PDE10A: variants seen among roughly 807,000 people sequenced by gnomAD.
PDE10A encodes the protein phosphodiesterase 10A, also known as cAMP and cAMP-inhibited cGMP 3',5'-cyclic phosphodiesterase 10A.
Under a neutral mutation model 97.7 loss-of-function variants are expected in PDE10A, and 39 were observed. That is an observed-to-expected ratio of 0.40 (90% CI 0.31 to 0.52). The LOEUF (loss-of-function observed/expected upper bound fraction) is 0.52. Ranked by LOEUF, PDE10A falls within the 20% of genes least tolerant of loss-of-function variation. The probability of loss-of-function intolerance (pLI) is 0.56; values close to 1 mark genes in which losing one functional copy is unlikely to be tolerated. For synonymous variants in PDE10A, 371 were observed against 376.8 expected (o/e 0.98, Z 0.18); for missense variants, 731 against 1,047.8 (o/e 0.70, Z 4.17).
At chr6:165,525,088 A>C (rs1410930848) in intron 2 of PDE10A, among the ~76,000 whole-genome samples, 2 of 152,026 alleles carry the variant, frequency 1.3e-5, no homozygotes, top group Non-Finnish European at 2.9e-5. Context: ...GCCACCCCCA[A>C]TACTCCTTTG....
intron 12 of PDE10A, among the ~76,000 whole-genome samples, chr6:165,415,461 T>C (rs1265961059): frequency 2.0e-5 from 3 of 152,214 alleles, no homozygotes; most frequent in African/African-American, 4.8e-5. Flanking sequence ...CCTGAGACTT[T>C]CCATTTCTAG....
At chr6:165,826,693 C>T (rs1175562360) in intron 1 of PDE10A, among the ~76,000 whole-genome samples, 2 of 151,118 alleles carry the variant, frequency 1.3e-5, no homozygotes, top group African/African-American at 2.4e-5. Context: ...ACCAGAGGCA[C>T]GGTGGGAGCG....
chr6:165,861,171 C>G (rs1190309847), intron 1 of PDE10A, among the ~76,000 whole-genome samples: 1 of 152,224 alleles, frequency 6.6e-6, no homozygotes, highest in Non-Finnish European at 1.5e-5. Context: ...TCAAGAGTTC[C>G]TTTAACCTAA....
intron 1 of PDE10A, among the ~76,000 whole-genome samples, chr6:165,965,111 T>C (rs1379150222): frequency 1.3e-5 from 2 of 152,138 alleles, no homozygotes; most frequent in Non-Finnish European, 2.9e-5. Flanking sequence ...AGAAGCAATA[T>C]AGAGATTGTA....
At chr6:165,892,854 G>A (rs1266003215) in intron 1 of PDE10A, among the ~76,000 whole-genome samples, 1 of 152,224 alleles carries the variant, frequency 6.6e-6, no homozygotes, top group Non-Finnish European at 1.5e-5. Context: ...GGCTGACCAT[G>A]AACTTGAGAG....
At chr6:165,945,003 C>T (rs1424909289) in intron 1 of PDE10A, among the ~76,000 whole-genome samples, 3 of 152,142 alleles carry the variant, frequency 2.0e-5, no homozygotes, top group South Asian at 2.1e-4. Context: ...CATGGTGGCC[C>T]CTGTGACCCC....
intron 1 of PDE10A, among the ~76,000 whole-genome samples, chr6:165,859,646 T>C (rs1167181501): frequency 6.6e-6 from 1 of 152,234 alleles, no homozygotes; most frequent in African/African-American, 2.4e-5. Flanking sequence ...TCCAATCCTT[T>C]TGGATTTGTA....
chr6:165,573,781 T>C (rs1785168084), intron 1 of PDE10A, among the ~76,000 whole-genome samples: 1 of 151,992 alleles, frequency 6.6e-6, no homozygotes, highest in African/African-American at 2.4e-5. Flanking sequence ...AAAAAATACC[T>C]CAATAGCTGC....
intron 21 of PDE10A, among the ~76,000 whole-genome samples, chr6:165,334,140 A>G (rs1781498731): frequency 6.6e-6 from 1 of 152,246 alleles, no homozygotes; most frequent in Non-Finnish European, 1.5e-5. Context: ...TACGCTTTTT[A>G]AGCGTTAATA....
At chr6:165,593,458 AG>A (rs1478745771) in intron 1 of PDE10A, among the ~76,000 whole-genome samples, 2 of 152,162 alleles carry the variant, frequency 1.3e-5, no homozygotes, top group Admixed American at 6.5e-5. Context: ...GGAAAAAAAA[AG>A]TTCAAAATGT....
At chr6:165,547,672 C>T (rs6922908) in intron 1 of PDE10A, among the ~76,000 whole-genome samples, 15,956 of 152,116 alleles carry the variant, frequency 0.1, 1,320 homozygotes, top group African/African-American at 0.23. Flanking sequence ...GGATAAACAC[C>T]ACAGCAGTAT....
intron 1 of PDE10A, among the ~76,000 whole-genome samples, chr6:165,963,838 G>A (rs1288752469): frequency 6.6e-6 from 1 of 152,050 alleles, no homozygotes; most frequent in Admixed American, 6.5e-5. Context: ...ATCCCTCCTT[G>A]GGCCTCTATC....
intron 21 of PDE10A, among the ~76,000 whole-genome samples, chr6:165,335,782 A>G (rs1260838603): frequency 2.0e-5 from 3 of 152,106 alleles, no homozygotes. Flanking sequence ...GGTCTCCCAC[A>G]CCGAGACAGA....
At position 165,517,871 on chromosome 6, in the gene PDE10A, G is replaced by A. The variant is rs139314056; in HGVS notation, c.994+25569C>T. ...AAGTCAATTATTTTTAATATATTCA[G>A]GTTGAGTTTTTAATATATACAGCTA... On this transcript the variant is annotated intron_variant, in intron 2 of 21. Transcript: ENST00000539869. Among the ~76,000 whole-genome samples the A allele has an allele frequency of 2.6e-3, 398 of 152,248 alleles. 3 individuals are homozygous for A. Among genetic ancestry groups the A allele is most frequent in the Admixed American group, 9.5e-3 (146 of 15,294 alleles).
At chr6:165,946,634 T>C (rs955052663) in intron 1 of PDE10A, 3 of 152,330 alleles carry the variant, frequency 2.0e-5, no homozygotes, top group African/African-American at 7.2e-5. Flanking sequence ...TTAGCTTGAT[T>C]TAGCCATTCC....
intron 5 of PDE10A, among the ~76,000 whole-genome samples, chr6:165,440,789 G>C (rs1464769719): frequency 6.6e-6 from 1 of 151,462 alleles, no homozygotes; most frequent in Non-Finnish European, 1.5e-5. Flanking sequence ...TGGAAAGGTT[G>C]TTTTTAAAAT....
At chr6:165,958,478 A>G (rs7453231) in intron 1 of PDE10A, among the ~76,000 whole-genome samples, 1 of 82,058 alleles carries the variant, frequency 1.2e-5, no homozygotes, top group Admixed American at 1.6e-4. Context: ...GAAAGAAAGA[A>G]AGAGAGAAAG....
intron 18 of PDE10A, among the ~76,000 whole-genome samples, chr6:165,354,842 C>T (rs1384289067): frequency 4.6e-5 from 7 of 152,320 alleles, no homozygotes; most frequent in African/African-American, 1.7e-4. Context: ...TAAAAGCCTT[C>T]CAGTGACCAA....
intron 3 of PDE10A, among the ~76,000 whole-genome samples, chr6:165,463,185 C>T (rs1344755729): frequency 6.6e-6 from 1 of 152,102 alleles, no homozygotes; most frequent in Admixed American, 6.6e-5. Context: ...GTAGAAATGG[C>T]AAAAAATACA....
Sources: allele counts gnomAD v4.1 joint callset (sites outside exome capture counted in the v4.1 genomes callset), GRCh38; gene constraint gnomAD v4.1.1; transcripts MANE v1.5; gene names NCBI Gene and HGNC (gene_info 2026-07-23, HGNC 2026-07-21).